GLRA2: variants seen among roughly 807,000 people sequenced by gnomAD.
GLRA2 encodes glycine receptor alpha 2.
Under a neutral mutation model 31.6 loss-of-function variants are expected in GLRA2, and 11 were observed. That is an observed-to-expected ratio of 0.35 (90% CI 0.22 to 0.58). The LOEUF is 0.58. Ranked by LOEUF, GLRA2 falls within the 20% of genes least tolerant of loss-of-function variation. The pLI is 0.84. For missense variants in GLRA2, 212 were observed against 351.8 expected (o/e 0.60, Z 3.18); for synonymous variants, 132 against 134.0 (o/e 0.99, Z 0.10).
intron 7 of GLRA2, among the ~76,000 whole-genome samples, chrX:14,640,709 T>G (rs2090763432): frequency 1.8e-5 from 2 of 111,599 alleles, no homozygotes; most frequent in Admixed American, 1.9e-4. Flanking sequence ...TCAATCCCTG[T>G]GGGATGTATC....
chrX:14,575,356 A>G (rs2089942747), intron 3 of GLRA2, among the ~76,000 whole-genome samples: 1 of 110,635 alleles, frequency 9.0e-6, no homozygotes, highest in Non-Finnish European at 1.9e-5. Flanking sequence ...GCACGCCACC[A>G]TGCCCAGCTA....
intron 2 of GLRA2, among the ~76,000 whole-genome samples, chrX:14,570,335 T>C (rs775536233): frequency 8.9e-6 from 1 of 112,477 alleles, no homozygotes; most frequent in Non-Finnish European, 1.9e-5. Context: ...AAAATCTACA[T>C]TAAAGAAACT....
the GLRA2 span, among the ~76,000 whole-genome samples, chrX:14,474,734 GCTGGGATGA>G: frequency 2.5e-4 from 15 of 60,538 alleles, no homozygotes; most frequent in Middle Eastern, 8.3e-3. Context: ...GGCTGGGATG[GCTGGGATGA>G]CTGGGGCCTC....
the GLRA2 span, among the ~76,000 whole-genome samples, chrX:14,521,051 A>G: frequency 2.5e-4 from 28 of 112,974 alleles, no homozygotes; most frequent in African/African-American, 8.3e-4. Flanking sequence ...ACTGGCCATG[A>G]AAGTCAAGAG....
chrX:14,607,317 C>T, intron 6 of GLRA2, 49 bp downstream of exon 6: 1 of 1,033,634 alleles, frequency 9.7e-7, no homozygotes, highest in Non-Finnish European at 1.3e-6. Context: ...AAGTGAGCGC[C>T]ATTTGCAGTT....
intron 7 of GLRA2, among the ~76,000 whole-genome samples, chrX:14,646,841 G>A (rs1448204634): frequency 8.9e-6 from 1 of 111,744 alleles, no homozygotes; most frequent in Non-Finnish European, 1.9e-5. Context: ...AGGGAGGCAC[G>A]ATCTTTTAAT....
At chrX:14,683,125 C>T (rs1466356384) in intron 7 of GLRA2, among the ~76,000 whole-genome samples, 1 of 112,025 alleles carries the variant, frequency 8.9e-6, no homozygotes, top group Non-Finnish European at 1.9e-5. Flanking sequence ...GGAATCGCCA[C>T]ACTGTCTTCC....
chrX:14,676,438 C>G (rs929695897), intron 7 of GLRA2, among the ~76,000 whole-genome samples: 22 of 112,032 alleles, frequency 2.0e-4, no homozygotes, highest in Admixed American at 1.1e-3. Context: ...GATTTTTTCT[C>G]CACTGTAGTG....
the GLRA2 span, among the ~76,000 whole-genome samples, chrX:14,485,506 T>A: frequency 8.9e-6 from 1 of 111,950 alleles, no homozygotes; most frequent in Non-Finnish European, 1.9e-5. Flanking sequence ...CAACATGATG[T>A]TATGACAGAC....
intron 3 of GLRA2, among the ~76,000 whole-genome samples, chrX:14,577,717 C>G (rs974147586): frequency 9.0e-6 from 1 of 111,322 alleles, no homozygotes; most frequent in Non-Finnish European, 1.9e-5. Context: ...CCAAAGGCCC[C>G]GCTTCTACCC....
At chrX:14,586,853 C>G (rs2090086328) in intron 4 of GLRA2, among the ~76,000 whole-genome samples, 1 of 111,743 alleles carries the variant, frequency 8.9e-6, no homozygotes, top group South Asian at 3.7e-4. Flanking sequence ...TTTAAAAATC[C>G]CATTGCTTCT....
chrX:14,667,804 ATTTC>A (rs974866937), intron 7 of GLRA2, among the ~76,000 whole-genome samples: 6 of 111,618 alleles, frequency 5.4e-5, no homozygotes, highest in African/African-American at 2.0e-4. Flanking sequence ...ATCTATCTAT[ATTTC>A]TTTCTCTCTC....
At chrX:14,549,935 G>A (rs1273340095) in intron 2 of GLRA2, among the ~76,000 whole-genome samples, 2 of 111,428 alleles carry the variant, frequency 1.8e-5, no homozygotes, top group African/African-American at 6.5e-5. Context: ...TAGAAAATCT[G>A]GAGGAGAACC....
chrX:14,475,690 G>A, the GLRA2 span, among the ~76,000 whole-genome samples: 10 of 110,485 alleles, frequency 9.1e-5, no homozygotes, highest in South Asian at 1.2e-3. Flanking sequence ...TTTCAATCAC[G>A]CACACAGACA....
intron 7 of GLRA2, among the ~76,000 whole-genome samples, chrX:14,681,927 A>ATG: frequency 1.2e-5 from 1 of 84,695 alleles, no homozygotes; most frequent in Non-Finnish European, 2.4e-5. Flanking sequence ...ATATATATAT[A>ATG]TATGTATATA....
the GLRA2 span, among the ~76,000 whole-genome samples, chrX:14,491,384 C>A: frequency 9.0e-6 from 1 of 111,312 alleles, no homozygotes; most frequent in Non-Finnish European, 1.9e-5. Flanking sequence ...CTTAGTTCTT[C>A]CTTTCGTAGG....
chrX:14,460,837 GT>G, the GLRA2 span, among the ~76,000 whole-genome samples: 4 of 109,770 alleles, frequency 3.6e-5, no homozygotes, highest in African/African-American at 1.3e-4. Context: ...TTTTTGAAGG[GT>G]TTTTTTTGTC....
At chrX:14,599,982 C>T (rs757340012) in intron 4 of GLRA2, among the ~76,000 whole-genome samples, 3 of 110,976 alleles carry the variant, frequency 2.7e-5, no homozygotes, top group African/African-American at 9.8e-5. Context: ...TAACTCTCCT[C>T]CTTATTATTG....
intron 7 of GLRA2, among the ~76,000 whole-genome samples, chrX:14,649,085 G>A (rs746778309): frequency 1.1e-4 from 12 of 110,302 alleles, no homozygotes; most frequent in African/African-American, 4.0e-4. Context: ...GTGGTGGCAC[G>A]TGCCTGTAGT....
Sources: allele counts gnomAD v4.1 joint callset (sites outside exome capture counted in the v4.1 genomes callset), GRCh38; gene constraint gnomAD v4.1.1; transcripts MANE v1.5; gene names NCBI Gene and HGNC (gene_info 2026-07-23, HGNC 2026-07-21).